FSTL5: variants seen among roughly 807,000 people sequenced by gnomAD.
The protein encoded by FSTL5 is follistatin like 5.
In FSTL5, 62 loss-of-function variants were observed where a neutral mutation model predicts 89.1. The observed-to-expected ratio is 0.70, with a 90% CI of 0.57 to 0.86. The LOEUF is 0.86. FSTL5 is among the 40% of genes least tolerant of loss of function. The pLI, the probability that FSTL5 is intolerant of heterozygous loss-of-function variation, is 0.00. For missense variants in FSTL5, 1,057 were observed against 1,001.6 expected (o/e 1.06, Z -0.75); for synonymous variants, 383 against 346.2 (o/e 1.11, Z -1.18).
chr4:161,931,167 A>G (rs10015113), intron 3 of FSTL5, among the ~76,000 whole-genome samples: 2 of 151,898 alleles, frequency 1.3e-5, no homozygotes, highest in African/African-American at 4.8e-5. Flanking sequence ...TATGATTGTT[A>G]CAAGATGTTA....
intron 3 of FSTL5, among the ~76,000 whole-genome samples, chr4:162,021,902 C>T (rs1737100550): frequency 1.3e-5 from 2 of 151,798 alleles, no homozygotes; most frequent in Non-Finnish European, 2.9e-5. Context: ...ACCAGCCTGG[C>T]CAATATGGTG....
intron 4 of FSTL5, among the ~76,000 whole-genome samples, chr4:161,919,360 A>ATTGCATC (rs1733927095): frequency 6.6e-6 from 1 of 152,180 alleles, no homozygotes; most frequent in African/African-American, 2.4e-5. Context: ...ATAACAGAGC[A>ATTGCATC]TTGCATCTTG....
intron 6 of FSTL5, among the ~76,000 whole-genome samples, chr4:161,689,983 T>C (rs981591841): frequency 2.0e-5 from 3 of 152,174 alleles, no homozygotes; most frequent in African/African-American, 7.2e-5. Context: ...GTATTTCATT[T>C]GTTTTCATGG....
intron 5 of FSTL5, among the ~76,000 whole-genome samples, chr4:161,769,190 C>G (rs1424338282): frequency 6.6e-6 from 1 of 151,880 alleles, no homozygotes; most frequent in Non-Finnish European, 1.5e-5. Context: ...GAGATTGAAG[C>G]TGTAATAAAA....
intron 13 of FSTL5, among the ~76,000 whole-genome samples, chr4:161,471,585 T>C (rs1381900574): frequency 6.6e-6 from 1 of 152,206 alleles, no homozygotes; most frequent in Non-Finnish European, 1.5e-5. Flanking sequence ...TTAGGCAGAA[T>C]TTACTTCCTT....
chr4:161,595,297 A>G lies in FSTL5; in HGVS notation c.895-7722T>C, dbSNP rs769087454. 2.1e-4 allele frequency among the ~76,000 whole-genome samples: 32 copies of G among 151,346 alleles called. No individual in the cohort carries two copies. In the Middle Eastern group the frequency reaches 0.01, roughly 48 times the overall value. Reference sequence around the variant, plus strand: ...GTTGAGAGTTATGACCTTAGAACAGACACTCTGAATTCAGGGACAAAATCT... The same window carrying G: ...GTTGAGAGTTATGACCTTAGAACAGGCACTCTGAATTCAGGGACAAAATCT... On this transcript the variant is annotated intron_variant, in intron 7 of 15. Coordinates refer to ENST00000306100, the MANE Select transcript of FSTL5 (RefSeq NM_020116.5).
intron 3 of FSTL5, among the ~76,000 whole-genome samples, chr4:161,958,331 A>G (rs1200920860): frequency 6.6e-6 from 1 of 152,012 alleles, no homozygotes. Context: ...GTAACTACTG[A>G]TATTTCTTTG....
chr4:162,000,006 G>A (rs1233010937), intron 3 of FSTL5, among the ~76,000 whole-genome samples: 6 of 152,150 alleles, frequency 3.9e-5, no homozygotes, highest in Admixed American at 2.6e-4. Context: ...AATGACTGAA[G>A]ATTGAAATTG....
chr4:161,457,225 T>A (rs1578988164), intron 14 of FSTL5, among the ~76,000 whole-genome samples: 1 of 152,216 alleles, frequency 6.6e-6, no homozygotes. Flanking sequence ...TATATTCATA[T>A]AACATACACA....
chr4:161,808,782 G>A (rs1306601067), intron 4 of FSTL5, among the ~76,000 whole-genome samples: 2 of 152,128 alleles, frequency 1.3e-5, no homozygotes. Context: ...ATGTATGGAT[G>A]CCTTACAACT....
intron 2 of FSTL5, among the ~76,000 whole-genome samples, chr4:162,048,289 T>A (rs1340346747): frequency 4.6e-5 from 7 of 152,006 alleles, no homozygotes; most frequent in African/African-American, 1.7e-4. Context: ...ATGGTGTCAC[T>A]GCACTCTAGA....
chr4:161,580,277 A>G (rs1467483985), intron 8 of FSTL5, among the ~76,000 whole-genome samples: 3 of 152,224 alleles, frequency 2.0e-5, no homozygotes, highest in African/African-American at 7.2e-5. Context: ...GTTTTATTAT[A>G]GTTCAAAGTC....
At chr4:161,775,749 G>T in intron 5 of FSTL5, 129 bp downstream of exon 5, 1 of 467,632 alleles carries the variant, frequency 2.1e-6, no homozygotes. Flanking sequence ...CAAAAATGTT[G>T]TTATTCATAT....
At chr4:162,045,870 G>C (rs1738153334) in intron 2 of FSTL5, among the ~76,000 whole-genome samples, 1 of 152,092 alleles carries the variant, frequency 6.6e-6, no homozygotes, top group Non-Finnish European at 1.5e-5. Flanking sequence ...ATTCCCTAGT[G>C]AAAGAATTAA....
chr4:161,542,772 A>T, intron 8 of FSTL5, 79 bp from the exon 9 acceptor site: 1 of 807,394 alleles, frequency 1.2e-6, no homozygotes, highest in Non-Finnish European at 1.8e-6. Flanking sequence ...AATTGCAATA[A>T]GATAAATAAT....
intron 2 of FSTL5, among the ~76,000 whole-genome samples, chr4:162,051,258 T>A (rs994822454): frequency 1.3e-5 from 2 of 151,518 alleles, no homozygotes; most frequent in East Asian, 3.9e-4. Context: ...ATAAGCATCA[T>A]CAACATATAA....
chr4:161,850,984 T>TGGCA (rs1277697556), intron 4 of FSTL5, among the ~76,000 whole-genome samples: 2 of 152,168 alleles, frequency 1.3e-5, no homozygotes, highest in Non-Finnish European at 2.9e-5. Context: ...CAAACCACCA[T>TGGCA]GGCATCTATC....
chr4:161,547,906 T>C (rs1000040112), intron 8 of FSTL5, among the ~76,000 whole-genome samples: 1 of 151,912 alleles, frequency 6.6e-6, no homozygotes, highest in East Asian at 1.9e-4. Flanking sequence ...AAATATTTCA[T>C]ATATTTTAAG....
At chr4:161,679,530 A>G (rs1314621310) in intron 6 of FSTL5, among the ~76,000 whole-genome samples, 1 of 151,866 alleles carries the variant, frequency 6.6e-6, no homozygotes, top group African/African-American at 2.4e-5. Flanking sequence ...AGTTATTCCT[A>G]CACTATGTTG....
Sources: gnomAD v4.1 joint callset for allele counts (sites outside exome capture counted in the v4.1 genomes callset) on GRCh38, gnomAD v4.1.1 for gene constraint, MANE v1.5 for transcripts, NCBI Gene and HGNC (gene_info 2026-07-23, HGNC 2026-07-21) for gene names.